PLCL1: variants seen among roughly 807,000 people sequenced by gnomAD.
The protein encoded by PLCL1 is inactive phospholipase C-like protein 1.
PLCL1 carries 41 observed loss-of-function variants against 84.4 expected under a neutral mutation model. The observed-to-expected ratio is 0.49, with a 90% CI of 0.38 to 0.63. PLCL1 has a LOEUF of 0.63. Among genes scored for constraint, PLCL1 ranks in the 30% least tolerant of loss-of-function variants. The pLI is 0.00. For missense variants in PLCL1, 1,206 were observed against 1,367.8 expected, an observed-to-expected ratio of 0.88 and a Z score of 1.87; for synonymous variants, 490 against 488.3, an observed-to-expected ratio of 1.00 and a Z score of -0.05.
intron 1 of PLCL1, among the ~76,000 whole-genome samples, chr2:198,059,471 A>T (rs1272893901): frequency 6.6e-6 from 1 of 152,186 alleles, no homozygotes; most frequent in East Asian, 1.9e-4. Context: ...TCTTTAGGTT[A>T]ACTATGCCTG....
chr2:197,942,920 T>C (rs1689189278), intron 1 of PLCL1, among the ~76,000 whole-genome samples: 1 of 152,136 alleles, frequency 6.6e-6, no homozygotes, highest in Admixed American at 6.5e-5. Context: ...TATAATAGAA[T>C]ATCAAGCCAG....
intron 1 of PLCL1, among the ~76,000 whole-genome samples, chr2:197,919,655 G>C (rs1330257766): frequency 1.3e-5 from 2 of 152,212 alleles, no homozygotes; most frequent in Non-Finnish European, 2.9e-5. Flanking sequence ...TGATACAAGA[G>C]AGGAAGTGAC....
In PLCL1 at chr2:198,109,599, TC is replaced by T. The variant is rs202167917; in HGVS notation, c.3105+5664del. On this transcript the variant is annotated intron_variant, in intron 5 of 5. Coordinates refer to ENST00000428675, the MANE Select transcript of PLCL1 (RefSeq NM_006226.4). ...TTCACTCATGAGAGTTCTGAAGATC[TC>T]TTGGGAGCAAGATGTGGAATTACAC... Among the ~76,000 whole-genome samples, 297 of 152,026 alleles carry T rather than the reference TC, an allele frequency of 2.0e-3. 6 individuals are homozygous for T. The East Asian group carries it at 0.055, about 28-fold the overall frequency.
intron 4 of PLCL1, among the ~76,000 whole-genome samples, chr2:198,103,399 C>A (rs1693391123): frequency 1.3e-5 from 2 of 151,858 alleles, no homozygotes; most frequent in Non-Finnish European, 1.5e-5. Context: ...AATGGGGTAT[C>A]CATCCCCTCA....
intron 1 of PLCL1, among the ~76,000 whole-genome samples, chr2:198,071,489 C>A (rs534631476): frequency 6.6e-6 from 1 of 151,924 alleles, no homozygotes; most frequent in South Asian, 2.1e-4. Context: ...TTCCATTTCC[C>A]TACCTTTAGT....
chr2:197,921,634 A>G (rs1050543715), intron 1 of PLCL1, among the ~76,000 whole-genome samples: 3 of 152,052 alleles, frequency 2.0e-5, no homozygotes, highest in Non-Finnish European at 4.4e-5. Context: ...CAAAATCTCT[A>G]TTTTCATGAC....
intron 3 of PLCL1, among the ~76,000 whole-genome samples, chr2:198,091,685 A>AAAAATAAAAT (rs567680554): frequency 0.011 from 1,289 of 118,168 alleles, 55 homozygotes; most frequent in East Asian, 0.04. Flanking sequence ...ATCTCAAATA[A>AAAAATAAAAT]AAAATAAAAT....
intron 1 of PLCL1, among the ~76,000 whole-genome samples, chr2:198,078,242 A>G (rs1336230665): frequency 6.6e-6 from 1 of 152,162 alleles, no homozygotes; most frequent in Non-Finnish European, 1.5e-5. Context: ...GTAGGTACCT[A>G]TTCTTGTTTG....
At chr2:197,959,792 G>C (rs193085581) in intron 1 of PLCL1, among the ~76,000 whole-genome samples, 1 of 152,050 alleles carries the variant, frequency 6.6e-6, no homozygotes, top group Non-Finnish European at 1.5e-5. Context: ...CATGACAACA[G>C]TGTAGCTGAG....
chr2:198,122,268 A>G (rs1031815290), intron 5 of PLCL1, among the ~76,000 whole-genome samples: 7 of 152,130 alleles, frequency 4.6e-5, no homozygotes, highest in Non-Finnish European at 7.4e-5. Context: ...ATAAAAAAAA[A>G]GACACTTTAA....
intron 1 of PLCL1, among the ~76,000 whole-genome samples, chr2:197,973,146 G>A (rs1163726635): frequency 6.6e-6 from 1 of 152,210 alleles, no homozygotes; most frequent in Non-Finnish European, 1.5e-5. Flanking sequence ...GGGTCTTCAT[G>A]AGGCGAGTCC....
At chr2:197,918,668 T>A (rs1057310641) in intron 1 of PLCL1, among the ~76,000 whole-genome samples, 1 of 152,098 alleles carries the variant, frequency 6.6e-6, no homozygotes, top group African/African-American at 2.4e-5. Flanking sequence ...ATGCCTGTAA[T>A]CCCAGCACTT....
At chr2:197,864,502 A>G (rs1320270915) in intron 1 of PLCL1, among the ~76,000 whole-genome samples, 1 of 148,648 alleles carries the variant, frequency 6.7e-6, no homozygotes, top group Non-Finnish European at 1.5e-5. Context: ...TTTTTTTAAC[A>G]CAGGATCTCA....
At chr2:198,070,803 T>G (rs1358708785) in intron 1 of PLCL1, among the ~76,000 whole-genome samples, 1 of 151,942 alleles carries the variant, frequency 6.6e-6, no homozygotes, top group Admixed American at 6.6e-5. Flanking sequence ...CTCTACAAAG[T>G]GTATCTATTG....
chr2:197,958,774 G>A (rs564537705), intron 1 of PLCL1, among the ~76,000 whole-genome samples: 1 of 152,080 alleles, frequency 6.6e-6, no homozygotes, highest in Non-Finnish European at 1.5e-5. Flanking sequence ...CAGAGATAAT[G>A]TGAGCTGTGA....
At chr2:197,842,987 T>C (rs1433631922) in intron 1 of PLCL1, among the ~76,000 whole-genome samples, 1 of 152,228 alleles carries the variant, frequency 6.6e-6, no homozygotes, top group Middle Eastern at 3.2e-3. Flanking sequence ...CTGGCTTTAA[T>C]GTAAATTTTC....
At chr2:198,038,726 A>T (rs1691596801) in intron 1 of PLCL1, among the ~76,000 whole-genome samples, 1 of 152,060 alleles carries the variant, frequency 6.6e-6, no homozygotes, top group African/African-American at 2.4e-5. Context: ...AGGTTTAATT[A>T]AGACTGTGTT....
intron 1 of PLCL1, among the ~76,000 whole-genome samples, chr2:197,894,384 T>G (rs2105729358): frequency 6.6e-6 from 1 of 152,150 alleles, no homozygotes; most frequent in African/African-American, 2.4e-5. Flanking sequence ...TGATGAATTT[T>G]GTGATTATTG....
At chr2:197,904,817 T>G (rs1048831923) in intron 1 of PLCL1, among the ~76,000 whole-genome samples, 8 of 152,204 alleles carry the variant, frequency 5.3e-5, no homozygotes, top group African/African-American at 1.9e-4. Context: ...AAAAATTTTG[T>G]TTGTTGCATA....
Sources: gnomAD v4.1 joint callset for allele counts (sites outside exome capture counted in the v4.1 genomes callset) on GRCh38, gnomAD v4.1.1 for gene constraint, MANE v1.5 for transcripts, NCBI Gene and HGNC (gene_info 2026-07-23, HGNC 2026-07-21) for gene names.